Variants in DNAI3 observed in about 807,000 individuals in gnomAD.
DNAI3 encodes dynein axonemal intermediate chain 3.
In DNAI3, 83 loss-of-function variants were observed where a neutral mutation model predicts 115.5. The ratio of observed to expected loss-of-function variants is 0.72; its 90% CI spans 0.60 to 0.86. The LOEUF is 0.86. Among genes scored for constraint, DNAI3 ranks in the 40% least tolerant of loss-of-function variants. The probability of loss-of-function intolerance (pLI) is 0.00; values close to 1 mark genes in which losing one functional copy is unlikely to be tolerated. For synonymous variants in DNAI3, 320 were observed against 347.0 expected (o/e 0.92, Z 0.86); for missense variants, 1,004 against 1,075.8 (o/e 0.93, Z 0.93).
At chr1:85,078,814 A>G (rs1654541192) in intron 3 of DNAI3, among the ~76,000 whole-genome samples, 1 of 152,214 alleles carries the variant, frequency 6.6e-6, no homozygotes, top group Non-Finnish European at 1.5e-5. Context: ...CGAAGCAGAA[A>G]CAGTCCACTA....
intron 1 of DNAI3, among the ~76,000 whole-genome samples, chr1:85,064,093 A>C (rs1571147054): frequency 1.3e-5 from 2 of 152,222 alleles, no homozygotes; most frequent in African/African-American, 4.8e-5. Flanking sequence ...TAATTTAAAA[A>C]ATATTTTAAT....
chr1:85,082,192 T>C lies in DNAI3; in HGVS notation c.286-108T>C, dbSNP rs1245094815. The C allele has an allele frequency of 1.9e-5, 16 of 842,944 alleles. 1 individual carries two copies. Among genetic ancestry groups the C allele is most frequent in the Non-Finnish European group, 3.0e-5 (16 of 539,420 alleles). 52.2% of individuals were successfully genotyped at this position (842,944 alleles called of 1,614,324 possible). On this transcript the variant is annotated intron_variant, in intron 4 of 22. Transcript: ENST00000294664. ...TATCAGCCATAGATTAGCACAATGG[T>C]TATCTTCTATAATTGGTTGATTAGC... is the stretch of plus-strand genomic sequence containing the variant.
intron 18 of DNAI3, 35 bp from the exon 19 acceptor site, chr1:85,124,086 A>G: frequency 2.5e-6 from 4 of 1,613,068 alleles, no homozygotes; most frequent in Non-Finnish European, 3.4e-6. Flanking sequence ...AAACAGTGTT[A>G]TTAAAGATGA....
rs371237829 is a variant in DNAI3, at chr1:85,093,554, C to A, written c.954C>A (p.Thr318=). 6.2e-7 allele frequency: 1 copy of A among 1,614,084 alleles called. No homozygotes were observed. The highest frequency in any genetic ancestry group is 1.6e-4 in the Middle Eastern group (1 of 6,062). The change falls in exon 9 of 23, where the codon ACC becomes ACA. Residue 318 remains threonine (T), a synonymous_variant. Transcript: ENST00000294664. ...AEEEGTFGDK[T]DTHLKEYQSF... ...AAGAAGGCACCTTTGGGGACAAGAC[C>A]GATACCCACCTGAAAGAGTACCAGT...
chr1:85,108,326 A>G, intron 15 of DNAI3, 149 bp downstream of exon 15: 1 of 826,256 alleles, frequency 1.2e-6, no homozygotes, highest in Non-Finnish European at 1.7e-6. Context: ...CAACCAATAA[A>G]TTCCTTGATT....
chr1:85,090,069 CT>C (rs1192604823), intron 7 of DNAI3, 46 bp from the exon 8 acceptor site: 15 of 1,031,888 alleles, frequency 1.5e-5, no homozygotes, highest in Non-Finnish European at 1.9e-5. Context: ...CATATTTGCT[CT>C]TCTTTGACCT....
intron 16 of DNAI3, 148 bp from the exon 17 acceptor site, chr1:85,117,581 A>T (rs150906100): frequency 1.1e-5 from 12 of 1,100,168 alleles, no homozygotes; most frequent in African/African-American, 1.6e-5. Flanking sequence ...TAAATTAGAA[A>T]TCTAAAAATG....
At position 85,082,287 on chromosome 1, in the gene DNAI3, T is replaced by C; in HGVS notation, c.286-13T>C. On this transcript the variant is annotated splice_polypyrimidine_tract_variant and intron_variant, in intron 4 of 22. Transcript: ENST00000294664. ...TTGAACATTAACTTCCTATCTCAAT[T>C]ATATTCTTGTAGGAATATCCTGGAA... The C allele has an allele frequency of 6.3e-7, 1 of 1,588,434 alleles. No individual in the cohort carries two copies. Among genetic ancestry groups the C allele is most frequent in the South Asian group, 1.1e-5 (1 of 89,396 alleles).
rs11383869 is a variant in DNAI3, at chr1:85,101,134, TA to T, written c.1479+2485del. Among the ~76,000 whole-genome samples, 386 of 150,246 alleles carry T rather than the reference TA, an allele frequency of 2.6e-3. 2 individuals carry two copies. The highest frequency in any genetic ancestry group is 9.1e-3 in the African/African-American group (371 of 40,858). On this transcript the variant is annotated intron_variant, in intron 13 of 22. Transcript: ENST00000294664. Reference sequence around the variant, plus strand: ...ACTTAAAGTATAATAATAATAAAATTAAAAAAAAAGAAATAGCACTTGAACA... The same window carrying T: ...ACTTAAAGTATAATAATAATAAAATTAAAAAAAAGAAATAGCACTTGAACA...
intron 5 of DNAI3, among the ~76,000 whole-genome samples, chr1:85,084,248 G>GTTTATATATATATATATATATA (rs1175531348): frequency 3.1e-5 from 1 of 32,466 alleles, no homozygotes; most frequent in Non-Finnish European, 6.4e-5. Context: ...TATCAGCAGT[G>GTTTATATATATATATATATATA]TGTATATATA....
rs1336640020 is a variant in DNAI3, at chr1:85,132,987, G to A, written c.2665G>A (p.Glu889Lys). The A allele has an allele frequency of 1.2e-6, 2 of 1,609,348 alleles. No individual in the cohort carries two copies. Among genetic ancestry groups the A allele is most frequent in the Admixed American group, 3.4e-5 (2 of 59,090 alleles). Residue 889 changes from glutamate (E) to lysine (K), a missense_variant, in exon 23 of 23, where the codon GAG becomes AAG. Coordinates refer to ENST00000294664, the MANE Select transcript of DNAI3 (RefSeq NM_145172.5). ...AGTCACAGAGAAGGGGTCATACATG[G>A]AGGTGATGTAAAAAAGCTTCCTGAA... ...IKVTEKGSYM[E>K]VM
intron 1 of DNAI3, among the ~76,000 whole-genome samples, chr1:85,067,595 A>G (rs1269988547): frequency 6.6e-6 from 1 of 152,230 alleles, no homozygotes; most frequent in African/African-American, 2.4e-5. Flanking sequence ...GTTACCATAT[A>G]TGGCAAAGAA....
intron 17 of DNAI3, 27 bp from the exon 18 acceptor site, chr1:85,121,724 C>G: frequency 1.2e-6 from 2 of 1,606,260 alleles, no homozygotes; most frequent in Non-Finnish European, 1.7e-6. Flanking sequence ...TGTCATTGTA[C>G]TCATCAGGAA....
At chr1:85,071,847 A>G in intron 1 of DNAI3, 81 bp from the exon 2 acceptor site, 1 of 1,297,450 alleles carries the variant, frequency 7.7e-7, no homozygotes. Context: ...TATGTTTATT[A>G]AATGATAATG....
At chr1:85,073,879 T>C (rs575990474) in intron 3 of DNAI3, among the ~76,000 whole-genome samples, 2 of 152,252 alleles carry the variant, frequency 1.3e-5, no homozygotes, top group Admixed American at 6.5e-5. Context: ...AAGATGGTGA[T>C]GACCTGGGCC....
At position 85,121,830 on chromosome 1, in the gene DNAI3, GC is replaced by G; in HGVS notation, c.1981+19del. On this transcript the variant is annotated intron_variant, in intron 18 of 22. Coordinates refer to ENST00000294664, the MANE Select transcript of DNAI3 (RefSeq NM_145172.5). ...CGACTTATGTGTAAGTTTTGTGATT[GC>G]CCTGTTATTAATAAGATGTTCCTTT... 2 of 1,613,332 alleles carry G rather than the reference GC, an allele frequency of 1.2e-6. No individual in the cohort carries two copies. The highest frequency in any genetic ancestry group is 1.7e-6 in the Non-Finnish European group (2 of 1,179,314).
chr1:85,128,387 T>A (rs1420888935), intron 20 of DNAI3, among the ~76,000 whole-genome samples: 1 of 152,182 alleles, frequency 6.6e-6, no homozygotes, highest in South Asian at 2.1e-4. Flanking sequence ...TCTTCTCAAG[T>A]ATGCCCAGTG....
At chr1:85,064,178 CA>C (rs1277382531) in intron 1 of DNAI3, among the ~76,000 whole-genome samples, 2 of 152,066 alleles carry the variant, frequency 1.3e-5, no homozygotes, top group East Asian at 3.9e-4. Flanking sequence ...ACCAGGCTGC[CA>C]AAGGTTCATG....
In DNAI3 at chr1:85,132,728, C is replaced by T. The variant is rs575058858; in HGVS notation, c.2533-127C>T. The T allele has an allele frequency of 9.6e-4, 1,138 of 1,183,998 alleles. 7 individuals carry two copies. The highest frequency in any genetic ancestry group is 5.8e-3 in the Middle Eastern group (22 of 3,810). 73.3% of individuals were successfully genotyped at this position (1,183,998 alleles called of 1,614,324 possible). On this transcript the variant is annotated intron_variant, in intron 22 of 22. Transcript: ENST00000294664. ...GCCCACCTGCCCTCCTGCCTTCCTG[C>T]CCTCCATCCAGCCCTTTCCAGAAAA... is the stretch of plus-strand genomic sequence containing the variant.
Sources: gnomAD v4.1 joint callset for allele counts (sites outside exome capture counted in the v4.1 genomes callset) on GRCh38, gnomAD v4.1.1 for gene constraint, MANE v1.5 for transcripts, NCBI Gene and HGNC (gene_info 2026-07-23, HGNC 2026-07-21) for gene names.